Variants in ADGRB3 observed in about 807,000 individuals in gnomAD.
ADGRB3 encodes adhesion G protein-coupled receptor B3.
ADGRB3 carries 37 observed loss-of-function variants against 193.4 expected under a neutral mutation model. The observed-to-expected ratio is 0.19, with a 90% CI of 0.15 to 0.25. ADGRB3 has a LOEUF of 0.25. Among genes scored for constraint, ADGRB3 ranks in the 10% least tolerant of loss-of-function variants. The pLI, the probability that ADGRB3 is intolerant of heterozygous loss-of-function variation, is 1.00. For synonymous variants in ADGRB3, 690 were observed against 644.2 expected, an observed-to-expected ratio of 1.07 and a Z score of -1.08; for missense variants, 1,637 against 1,852.9, an observed-to-expected ratio of 0.88 and a Z score of 2.14.
intron 3 of ADGRB3, among the ~76,000 whole-genome samples, chr6:68,658,791 T>C (rs900804111): frequency 6.7e-6 from 1 of 149,938 alleles, no homozygotes; most frequent in African/African-American, 2.4e-5. Flanking sequence ...TGAACTTTAC[T>C]TAGCACCATA....
At chr6:68,755,713 A>G (rs138446731) in intron 3 of ADGRB3, among the ~76,000 whole-genome samples, 49 of 152,258 alleles carry the variant, frequency 3.2e-4, no homozygotes, top group Admixed American at 8.5e-4. Context: ...GGAAGATTCA[A>G]AGTATTTATG....
At chr6:68,865,564 A>G (rs1027059221) in intron 3 of ADGRB3, among the ~76,000 whole-genome samples, 1 of 152,144 alleles carries the variant, frequency 6.6e-6, no homozygotes, top group African/African-American at 2.4e-5. Context: ...GCCCTCAGCC[A>G]TCTTCAGCCC....
At chr6:69,171,179 C>T (rs1476595933) in intron 17 of ADGRB3, among the ~76,000 whole-genome samples, 3 of 152,126 alleles carry the variant, frequency 2.0e-5, no homozygotes, top group Non-Finnish European at 4.4e-5. Flanking sequence ...ATATTTTACA[C>T]TTACTGCATA....
At chr6:69,317,144 G>C (rs1768330190) in intron 20 of ADGRB3, among the ~76,000 whole-genome samples, 1 of 151,322 alleles carries the variant, frequency 6.6e-6, no homozygotes, top group Non-Finnish European at 1.5e-5. Context: ...TATTTATTGT[G>C]GATTAAAAAG....
intron 30 of ADGRB3, among the ~76,000 whole-genome samples, chr6:69,375,351 G>A (rs1769793088): frequency 6.6e-6 from 1 of 152,046 alleles, no homozygotes; most frequent in Non-Finnish European, 1.5e-5. Context: ...AGTATAGTAG[G>A]TAATGAAAGT....
intron 17 of ADGRB3, among the ~76,000 whole-genome samples, chr6:69,187,441 T>C (rs1765093830): frequency 6.6e-6 from 1 of 152,168 alleles, no homozygotes; most frequent in Admixed American, 6.5e-5. Context: ...CTGGCAGTAC[T>C]ACTAGACAAT....
chr6:69,266,474 A>G (rs934029869), intron 20 of ADGRB3, among the ~76,000 whole-genome samples: 8 of 152,040 alleles, frequency 5.3e-5, no homozygotes, highest in African/African-American at 1.9e-4. Flanking sequence ...AGTTAGCACA[A>G]AAAGCTAATC....
chr6:69,282,275 T>A (rs1038888157), intron 20 of ADGRB3, among the ~76,000 whole-genome samples: 1 of 152,138 alleles, frequency 6.6e-6, no homozygotes, highest in African/African-American at 2.4e-5. Context: ...TGCTTGAGGC[T>A]TATTCCCAGA....
rs566434767 is a variant in ADGRB3 at position 68,979,389 on chromosome 6, T to A, written c.1734+4049T>A. The stretch of plus-strand genomic sequence containing the variant: ...TGTAGTGATTGGTGACATCACTTTA[T>A]GAAATTATTCGGCCATTGTATAACA... On this transcript the variant is annotated intron_variant, in intron 10 of 31. Transcript: ENST00000370598. 7.7e-4 allele frequency among the ~76,000 whole-genome samples: 117 copies of A among 151,588 alleles called. 1 individual carries two copies. Among genetic ancestry groups the A allele is most frequent in the African/African-American group, 2.6e-3 (106 of 41,510 alleles).
At chr6:69,036,579 G>A (rs1326089833) in intron 13 of ADGRB3, among the ~76,000 whole-genome samples, 2 of 151,750 alleles carry the variant, frequency 1.3e-5, no homozygotes, top group Non-Finnish European at 2.9e-5. Flanking sequence ...GTAAGTCTAT[G>A]TAAAAAAAAA....
intron 17 of ADGRB3, among the ~76,000 whole-genome samples, chr6:69,151,494 T>A (rs531054740): frequency 3.9e-5 from 6 of 152,184 alleles, no homozygotes; most frequent in Non-Finnish European, 7.3e-5. Context: ...CATCAGTCAT[T>A]CAAATCTATC....
chr6:68,818,800 C>T lies in ADGRB3; in HGVS notation c.758-111759C>T, dbSNP rs533723604. Among the ~76,000 whole-genome samples, 69 of 152,118 alleles carry T rather than the reference C, an allele frequency of 4.5e-4. No individual in the cohort carries two copies. The South Asian group carries it at 6.8e-3, about 15-fold the overall frequency. ...ATCTGAAATACAGAAAATTCAAGGACGAGAAAGCAACTCTATTTTCTATTT... is the reference window on the plus strand; with the variant it reads ...ATCTGAAATACAGAAAATTCAAGGATGAGAAAGCAACTCTATTTTCTATTT... On this transcript the variant is annotated intron_variant, in intron 3 of 31. Transcript: ENST00000370598.
At chr6:69,169,057 A>G (rs1370815015) in intron 17 of ADGRB3, among the ~76,000 whole-genome samples, 1 of 152,118 alleles carries the variant, frequency 6.6e-6, no homozygotes, top group Non-Finnish European at 1.5e-5. Context: ...TGCTATTCTA[A>G]ATGAAACAGG....
chr6:68,883,456 C>G (rs570851272), intron 3 of ADGRB3, among the ~76,000 whole-genome samples: 5 of 152,152 alleles, frequency 3.3e-5, no homozygotes, highest in Non-Finnish European at 5.9e-5. Context: ...TGTTTATTTG[C>G]TCTTTGCAAT....
At chr6:68,642,927 G>T (rs186064664) in intron 3 of ADGRB3, among the ~76,000 whole-genome samples, 47 of 152,058 alleles carry the variant, frequency 3.1e-4, no homozygotes, top group African/African-American at 9.6e-4. Context: ...ATAGTTTATA[G>T]GACTCTTTTG....
intron 8 of ADGRB3, among the ~76,000 whole-genome samples, chr6:68,968,589 TAATG>T (rs1221907479): frequency 1.3e-5 from 2 of 152,080 alleles, no homozygotes; most frequent in Admixed American, 6.5e-5. Context: ...AATGAAGAGA[TAATG>T]AGGGAGATAA....
chr6:68,921,794 A>C (rs1360259882), intron 3 of ADGRB3, among the ~76,000 whole-genome samples: 3 of 151,776 alleles, frequency 2.0e-5, no homozygotes, highest in African/African-American at 4.8e-5. Context: ...GAGAGACTAG[A>C]TTGGTTCATA....
chr6:68,891,906 G>A (rs1766088353), intron 3 of ADGRB3, among the ~76,000 whole-genome samples: 1 of 152,194 alleles, frequency 6.6e-6, no homozygotes, highest in Non-Finnish European at 1.5e-5. Context: ...AGGAGCCGAA[G>A]AGTGGAGACC....
intron 3 of ADGRB3, among the ~76,000 whole-genome samples, chr6:68,811,432 G>C (rs181318284): frequency 6.6e-6 from 1 of 151,960 alleles, no homozygotes. Flanking sequence ...GCACTATTCT[G>C]TCAGGCCAAA....
Sources: allele counts gnomAD v4.1 joint callset (sites outside exome capture counted in the v4.1 genomes callset), GRCh38; gene constraint gnomAD v4.1.1; transcripts MANE v1.5; gene names NCBI Gene and HGNC (gene_info 2026-07-23, HGNC 2026-07-21).